Variants in CMIP observed in about 807,000 individuals in gnomAD.
CMIP encodes C-Maf-inducing protein.
Under a neutral mutation model 97.3 loss-of-function variants are expected in CMIP, and 13 were observed. The ratio of observed to expected loss-of-function variants is 0.13; its 90% CI spans 0.09 to 0.21. The LOEUF is 0.21. Ranked by LOEUF, CMIP falls within the 10% of genes least tolerant of loss-of-function variation. CMIP has a pLI of 1.00. For missense variants in CMIP, 847 were observed against 1,024.9 expected, an observed-to-expected ratio of 0.83 and a Z score of 2.37; for synonymous variants, 538 against 436.3, an observed-to-expected ratio of 1.23 and a Z score of -2.91.
chr16:81,651,378 C>G (rs901208207), intron 3 of CMIP: 5 of 968,620 alleles, frequency 5.2e-6, no homozygotes, highest in East Asian at 2.3e-4. Flanking sequence ...AGGGAGGCAG[C>G]AGCCCCTGTC....
chr16:81,604,705 A>G (rs758149987), intron 1 of CMIP, among the ~76,000 whole-genome samples: 1 of 152,166 alleles, frequency 6.6e-6, no homozygotes, highest in Non-Finnish European at 1.5e-5. Flanking sequence ...GTCTCAAACA[A>G]AACAAAACAA....
At chr16:81,680,579 A>T (rs1314078857) in intron 10 of CMIP, among the ~76,000 whole-genome samples, 1 of 152,212 alleles carries the variant, frequency 6.6e-6, no homozygotes, top group Non-Finnish European at 1.5e-5. Flanking sequence ...CCAGCAGCAG[A>T]GGTCAGGTGA....
chr16:81,454,181 A>G (rs1054148083), intron 1 of CMIP, among the ~76,000 whole-genome samples: 3 of 152,202 alleles, frequency 2.0e-5, no homozygotes, highest in Admixed American at 1.3e-4. Context: ...ATGGACCTAT[A>G]TGTTCCTGGT....
At chr16:81,486,875 C>T (rs2089322288) in intron 1 of CMIP, among the ~76,000 whole-genome samples, 1 of 152,264 alleles carries the variant, frequency 6.6e-6, no homozygotes. Flanking sequence ...CTCAACCCAG[C>T]TCAAATCAAA....
chr16:81,508,999 T>C (rs149402183), intron 1 of CMIP, among the ~76,000 whole-genome samples: 1 of 152,236 alleles, frequency 6.6e-6, no homozygotes, highest in Admixed American at 6.5e-5. Flanking sequence ...TTGAATACAA[T>C]TCAGGTTCCC....
At chr16:81,702,911 A>G (rs1199651139) in intron 17 of CMIP, among the ~76,000 whole-genome samples, 6 of 152,220 alleles carry the variant, frequency 3.9e-5, no homozygotes, top group African/African-American at 1.4e-4. Context: ...GTTGATATCT[A>G]GTTATTAATA....
chr16:81,641,754 GCACC>G (rs1684272298), intron 3 of CMIP, among the ~76,000 whole-genome samples: 1 of 152,206 alleles, frequency 6.6e-6, no homozygotes, highest in African/African-American at 2.4e-5. Context: ...TGTCCACTGG[GCACC>G]CAGCTGCACC....
Position 81,516,452 on chromosome 16 carries a change from TG to T in CMIP, c.300+70912del, listed in dbSNP as rs143865104. On this transcript the variant is annotated intron_variant, in intron 1 of 20. Coordinates refer to ENST00000537098, the MANE Select transcript of CMIP (RefSeq NM_198390.3). ...TCAGCCCTTGGTTTCTGCAGATACG[TG>T]CCGTGTTCCAGGCTTGGAAGCCCTC... 1.8e-3 allele frequency among the ~76,000 whole-genome samples: 275 copies of T among 152,346 alleles called. 2 individuals are homozygous for T. The highest frequency in any genetic ancestry group is 6.4e-3 in the African/African-American group (266 of 41,580).
At chr16:81,493,493 A>G (rs949118909) in intron 1 of CMIP, among the ~76,000 whole-genome samples, 20 of 152,232 alleles carry the variant, frequency 1.3e-4, no homozygotes, top group African/African-American at 4.8e-4. Context: ...TGGGGCACAT[A>G]GTGTGTACCG....
intron 1 of CMIP, among the ~76,000 whole-genome samples, chr16:81,525,050 C>T (rs1265785919): frequency 2.0e-5 from 3 of 152,138 alleles, no homozygotes; most frequent in Non-Finnish European, 4.4e-5. Flanking sequence ...CCCACCTCGG[C>T]CTCCCAAAGT....
At chr16:81,670,281 G>A (rs2092669834) in intron 8 of CMIP, 36 bp downstream of exon 8, 1 of 1,575,740 alleles carries the variant, frequency 6.3e-7, no homozygotes, top group South Asian at 1.2e-5. Flanking sequence ...TGTGGCCTAG[G>A]AGCCACTTTC....
intron 1 of CMIP, among the ~76,000 whole-genome samples, chr16:81,582,793 C>CT (rs1427217998): frequency 2.0e-5 from 3 of 152,168 alleles, no homozygotes; most frequent in African/African-American, 7.2e-5. Flanking sequence ...AGAGGGAACG[C>CT]TTTCATGAAC....
Position 81,459,492 on chromosome 16 carries a change from A to C in CMIP, c.300+13951A>C, listed in dbSNP as rs200656706. 7.9e-5 allele frequency among the ~76,000 whole-genome samples: 12 copies of C among 152,318 alleles called. No individual in the cohort carries two copies. The East Asian group carries it at 1.5e-3, about 20-fold the overall frequency. ...AAGCTCCCAACCCAAGCAAGATGGA[A>C]ACCCGCCGTTGGGAGGATTAAGATA... On this transcript the variant is annotated intron_variant, in intron 1 of 20. Coordinates refer to ENST00000537098, the MANE Select transcript of CMIP (RefSeq NM_198390.3).
chr16:81,632,905 T>C (rs1458740710), intron 3 of CMIP, among the ~76,000 whole-genome samples: 1 of 152,100 alleles, frequency 6.6e-6, no homozygotes, highest in African/African-American at 2.4e-5. Flanking sequence ...AGGTCTTTCC[T>C]GAGCCTCAGA....
In CMIP at chr16:81,612,505, C is replaced by T. The variant is rs548425387; in HGVS notation, c.426+4813C>T. Among the ~76,000 whole-genome samples, 376 of 152,310 alleles carry T rather than the reference C, an allele frequency of 2.5e-3. 1 individual carries two copies. The highest frequency in any genetic ancestry group is 1.7e-3 in the Admixed American group (26 of 15,296). ...GGTCTGGAAAGCACCAGAAAGGTCTCACTCTCTAGCTTCCAGTAAGAAAGG... is the reference window on the plus strand; with the variant it reads ...GGTCTGGAAAGCACCAGAAAGGTCTTACTCTCTAGCTTCCAGTAAGAAAGG... On this transcript the variant is annotated intron_variant, in intron 2 of 20. Coordinates refer to ENST00000537098, the MANE Select transcript of CMIP (RefSeq NM_198390.3).
At chr16:81,507,088 T>TA (rs887547646) in intron 1 of CMIP, among the ~76,000 whole-genome samples, 19 of 151,170 alleles carry the variant, frequency 1.3e-4, no homozygotes, top group African/African-American at 3.4e-4. Context: ...TCATCTGTAC[T>TA]AAAAAAAATA....
At chr16:81,449,799 A>C (rs1033123401) in intron 1 of CMIP, among the ~76,000 whole-genome samples, 2 of 152,178 alleles carry the variant, frequency 1.3e-5, no homozygotes, top group African/African-American at 2.4e-5. Flanking sequence ...AAAAGTCAAA[A>C]TTCTCTGTAA....
In CMIP at chr16:81,693,546, G is replaced by A. The variant is rs1906354531; in HGVS notation, c.1530+59G>A. The A allele has an allele frequency of 2.6e-6, 4 of 1,562,430 alleles. No individual in the cohort carries two copies. The South Asian group carries it at 3.6e-5, about 14-fold the overall frequency. On this transcript the variant is annotated intron_variant, in intron 13 of 20. Transcript: ENST00000537098. ...GTCTGGGGATGGCAGGATGCACGAG[G>A]GCCCCTTAGAGGCCTTCTGAAGCTT... is the stretch of plus-strand genomic sequence containing the variant.
chr16:81,658,589 A>G (rs549015964), intron 5 of CMIP, among the ~76,000 whole-genome samples: 18 of 152,380 alleles, frequency 1.2e-4, no homozygotes, highest in African/African-American at 4.3e-4. Flanking sequence ...GGAGTTTTCC[A>G]GGTGGCAAAA....
Sources: allele counts gnomAD v4.1 joint callset (sites outside exome capture counted in the v4.1 genomes callset), GRCh38; gene constraint gnomAD v4.1.1; transcripts MANE v1.5; gene names NCBI Gene and HGNC (gene_info 2026-07-23, HGNC 2026-07-21).